Variants in EPN2 observed in about 807,000 individuals in gnomAD.
EPN2 encodes the protein epsin-2.
A neutral mutation model predicts 61.7 loss-of-function variants in EPN2; 34 were observed. The observed-to-expected ratio is 0.55, with a 90% CI of 0.42 to 0.73. EPN2 has a LOEUF of 0.73. Among genes scored for constraint, EPN2 ranks in the 30% least tolerant of loss-of-function variants. The pLI is 0.00. For synonymous variants in EPN2, 349 were observed against 353.6 expected, an observed-to-expected ratio of 0.99 and a Z score of 0.15; for missense variants, 714 against 839.2, an observed-to-expected ratio of 0.85 and a Z score of 1.84.
At chr17:19,238,276 A>G (rs943933777) in intron 1 of EPN2, among the ~76,000 whole-genome samples, 1 of 152,206 alleles carries the variant, frequency 6.6e-6, no homozygotes, top group Non-Finnish European at 1.5e-5. Context: ...GGCCTCTTCC[A>G]GGAGAGACTT....
chr17:19,290,776 C>T (rs975464224), intron 4 of EPN2, among the ~76,000 whole-genome samples: 3 of 149,760 alleles, frequency 2.0e-5, no homozygotes, highest in Non-Finnish European at 4.5e-5. Flanking sequence ...CTGATTCACT[C>T]AAGTGAATCA....
intron 1 of EPN2, among the ~76,000 whole-genome samples, chr17:19,277,743 G>A (rs1330076187): frequency 1.3e-5 from 2 of 152,120 alleles, no homozygotes; most frequent in Non-Finnish European, 2.9e-5. Flanking sequence ...CCAAAGTCTC[G>A]CTTAGGTGAG....
At chr17:19,248,040 T>C (rs2044972059) in intron 1 of EPN2, among the ~76,000 whole-genome samples, 1 of 152,144 alleles carries the variant, frequency 6.6e-6, no homozygotes, top group Admixed American at 6.5e-5. Flanking sequence ...ATTCTCATAG[T>C]CTGTGTGGGT....
chr17:19,312,821 C>A, intron 6 of EPN2: 1 of 377,168 alleles, frequency 2.7e-6, no homozygotes, highest in Non-Finnish European at 4.8e-6. Context: ...AGGAGGTCCA[C>A]AGCCTGGGCA....
chr17:19,306,133 C>G (rs903403463), intron 4 of EPN2: 1 of 152,230 alleles, frequency 6.6e-6, no homozygotes, highest in African/African-American at 2.4e-5. Flanking sequence ...GAGAGAGTGG[C>G]ACATCCCCCA....
intron 4 of EPN2, among the ~76,000 whole-genome samples, chr17:19,290,221 G>A (rs1039719232): frequency 1.3e-5 from 2 of 152,284 alleles, no homozygotes; most frequent in African/African-American, 4.8e-5. Context: ...TGAGGGATTT[G>A]CCTAAGATCA....
At chr17:19,294,175 C>T (rs1019016817) in intron 4 of EPN2, among the ~76,000 whole-genome samples, 5 of 150,702 alleles carry the variant, frequency 3.3e-5, no homozygotes, top group Non-Finnish European at 5.9e-5. Flanking sequence ...CCTAGCACTT[C>T]GAGAGGCTGA....
At chr17:19,249,869 A>G (rs1044463214) in intron 1 of EPN2, among the ~76,000 whole-genome samples, 32 of 151,618 alleles carry the variant, frequency 2.1e-4, no homozygotes, top group Non-Finnish European at 4.3e-4. Flanking sequence ...TCTGGGGGGG[A>G]ACCCGTTTTC....
At position 19,314,587 on chromosome 17, in the gene EPN2, C is replaced by T. The variant is rs563394176; in HGVS notation, c.1147+1308C>T. ...GAAGACACTGTCAGCCCCCGATGCC[C>T]TTTAGCATCTGGTGAGTTCCAATAG... On this transcript the variant is annotated intron_variant, in intron 7 of 10. Coordinates refer to ENST00000314728, the MANE Select transcript of EPN2 (RefSeq NM_014964.5). Among the ~76,000 whole-genome samples the T allele has an allele frequency of 2.6e-5, 4 of 152,294 alleles. No homozygotes were observed. The East Asian group carries it at 5.8e-4, about 22-fold the overall frequency.
At chr17:19,279,260 G>A (rs1313138264) in intron 1 of EPN2, among the ~76,000 whole-genome samples, 3 of 152,018 alleles carry the variant, frequency 2.0e-5, no homozygotes, top group Non-Finnish European at 4.4e-5. Context: ...AGGAATCACT[G>A]CCTTTTCTTT....
intron 1 of EPN2, among the ~76,000 whole-genome samples, chr17:19,270,805 G>A (rs972300543): frequency 6.6e-6 from 1 of 152,210 alleles, no homozygotes. Flanking sequence ...GCTGTAAGGG[G>A]CATCGAGTGG....
At chr17:19,274,013 C>T (rs1433683282) in intron 1 of EPN2, 2 of 152,256 alleles carry the variant, frequency 1.3e-5, no homozygotes, top group Non-Finnish European at 2.9e-5. Flanking sequence ...CCCAACTGGG[C>T]CTCCTTGTAA....
intron 1 of EPN2, among the ~76,000 whole-genome samples, chr17:19,246,733 T>C (rs2044955024): frequency 6.7e-6 from 1 of 149,728 alleles, no homozygotes; most frequent in African/African-American, 2.4e-5. Context: ...TTTGTTTTTT[T>C]TTTCCCCCCT....
chr17:19,283,013 A>G lies in EPN2; in HGVS notation c.-107A>G. On this transcript the variant is annotated 5_prime_UTR_variant, in exon 3 of 11. Transcript: ENST00000314728. This position sits in a 1 kb window ranked among gnomAD's most constrained non-coding sequence, Gnocchi z 7.0. The stretch of plus-strand genomic sequence containing the variant: ...GAGGAAATGACCATTCAGGGATCTT[A>G]CTCCAGCTTGATTACGGAGACTGAA... 3 of 748,938 alleles carry G rather than the reference A, an allele frequency of 4.0e-6. No individual in the cohort carries two copies. The highest frequency in any genetic ancestry group is 4.3e-6 in the Non-Finnish European group (2 of 464,708). The allele number at this position is 748,938 out of a possible 1,614,324, so 46.4% of individuals were successfully genotyped here. A position where few individuals can be genotyped will look rare whatever the true frequency, so the allele number is the denominator to read the frequency against.
intron 1 of EPN2, among the ~76,000 whole-genome samples, chr17:19,277,400 CAAAA>C (rs58679739): frequency 2.7e-5 from 2 of 75,444 alleles, no homozygotes; most frequent in Non-Finnish European, 2.9e-5. Flanking sequence ...GACTCTGTCT[CAAAA>C]AAAAAAAAAA....
intron 1 of EPN2, among the ~76,000 whole-genome samples, chr17:19,280,565 G>A (rs973813474): frequency 3.3e-5 from 5 of 152,214 alleles, no homozygotes; most frequent in African/African-American, 1.2e-4. Flanking sequence ...TTTGAGGATG[G>A]AGAGAAGGCC....
chr17:19,309,142 C>CTTTT (rs1196924683), intron 4 of EPN2, among the ~76,000 whole-genome samples: 2 of 131,698 alleles, frequency 1.5e-5, no homozygotes, highest in Admixed American at 7.8e-5. Context: ...AAGGTCAACT[C>CTTTT]TTTTTTTTTT....
chr17:19,293,778 G>A (rs1399058020), intron 4 of EPN2, among the ~76,000 whole-genome samples: 3 of 151,902 alleles, frequency 2.0e-5, no homozygotes, highest in African/African-American at 7.3e-5. Context: ...ATATGGGATT[G>A]TTCTCAGAAT....
chr17:19,260,640 A>G (rs1158756877), intron 1 of EPN2, among the ~76,000 whole-genome samples: 1 of 150,098 alleles, frequency 6.7e-6, no homozygotes, highest in Non-Finnish European at 1.5e-5. Flanking sequence ...TTTTTTTTTA[A>G]TGAAATGCTC....
Sources: gnomAD v4.1 joint callset for allele counts (sites outside exome capture counted in the v4.1 genomes callset) on GRCh38, gnomAD v4.1.1 for gene constraint, Gnocchi (gnomAD v3.1) non-coding constraint, MANE v1.5 for transcripts, NCBI Gene and HGNC (gene_info 2026-07-23, HGNC 2026-07-21) for gene names.